The following RIMKLB variants were observed in gnomAD, a reference collection of about 807,000 sequenced individuals.
RIMKLB encodes ribosomal modification protein rimK like family member B.
RIMKLB carries 7 observed loss-of-function variants against 32.0 expected under a neutral mutation model. The ratio of observed to expected loss-of-function variants is 0.22; its 90% CI spans 0.12 to 0.41. RIMKLB has a LOEUF of 0.41. Ranked by LOEUF, RIMKLB falls within the 10% of genes least tolerant of loss-of-function variation. The pLI is 1.00. For missense variants in RIMKLB, 289 were observed against 498.7 expected (o/e 0.58, Z 4.00); for synonymous variants, 172 against 185.1 (o/e 0.93, Z 0.57).
intron 5 of RIMKLB, among the ~76,000 whole-genome samples, chr12:8,762,960 G>A (rs752886172): frequency 6.6e-6 from 1 of 152,298 alleles, no homozygotes; most frequent in African/African-American, 2.4e-5. Context: ...GAAGAAATGT[G>A]GCTGGATTAA....
At chr12:8,679,095 C>T (rs182700440), upstream of RIMKLB, 586 of 153,884 alleles carry the variant, frequency 3.8e-3, 4 homozygotes, top group African/African-American at 6.9e-3. Context: ...CCTCACCATC[C>T]GGTGAATTGA....
At chr12:8,693,123 A>G (rs1942780214), upstream of RIMKLB, among the ~76,000 whole-genome samples, 1 of 152,202 alleles carries the variant, frequency 6.6e-6, no homozygotes, top group African/African-American at 2.4e-5. Flanking sequence ...GATGATGTGT[A>G]TAGGGCACTT....
intron 1 of RIMKLB, among the ~76,000 whole-genome samples, chr12:8,685,675 G>A (rs1481852105): frequency 1.3e-5 from 2 of 151,768 alleles, no homozygotes; most frequent in African/African-American, 4.8e-5. Flanking sequence ...TTTTGAGATG[G>A]AATCTGGAGC....
chr12:8,705,216 C>T (rs1051089239), intron 1 of RIMKLB, among the ~76,000 whole-genome samples: 3 of 152,164 alleles, frequency 2.0e-5, no homozygotes, highest in Admixed American at 2.0e-4. Context: ...GTGGCTCATA[C>T]CTGTAATCCT....
chr12:8,730,233 G>A (rs1404043600), intron 2 of RIMKLB, among the ~76,000 whole-genome samples: 1 of 152,164 alleles, frequency 6.6e-6, no homozygotes, highest in Non-Finnish European at 1.5e-5. Flanking sequence ...CTGCAGGCAT[G>A]CATCACCACA....
intron 2 of RIMKLB, among the ~76,000 whole-genome samples, chr12:8,719,449 A>G (rs764988301): frequency 6.6e-6 from 1 of 151,608 alleles, no homozygotes; most frequent in East Asian, 1.9e-4. Context: ...GCTCACTGCA[A>G]CCTCCACCTC....
intron 1 of RIMKLB, among the ~76,000 whole-genome samples, chr12:8,702,830 AAGTAATATCTG>A (rs1943521361): frequency 6.6e-6 from 1 of 152,238 alleles, no homozygotes; most frequent in African/African-American, 2.4e-5. Context: ...TCCTTTTTCA[AAGTAATATCTG>A]GGAAGAAAAT....
intron 1 of RIMKLB, among the ~76,000 whole-genome samples, chr12:8,713,515 A>G (rs1224164533): frequency 1.3e-5 from 2 of 152,216 alleles, no homozygotes; most frequent in Non-Finnish European, 2.9e-5. Flanking sequence ...CCTAGACAAT[A>G]TATAATATTG....
rs947664027 is a variant in RIMKLB at position 8,775,841 on chromosome 12, T to C, written c.*2057T>C. ...TGTAATTTATCTTAGGATATTCTAA[T>C]TGCATTTAAAAGAACTTATCTTGCG... is the stretch of plus-strand genomic sequence containing the variant. On this transcript the variant is annotated 3_prime_UTR_variant, in exon 6 of 6. Coordinates refer to ENST00000535829, the MANE Select transcript of RIMKLB (RefSeq NM_001297776.2). The C allele has an allele frequency of 5.1e-6, 5 of 984,892 alleles. No homozygotes were observed. The African/African-American group carries it at 5.2e-5, about 10-fold the overall frequency. 61.0% of individuals were successfully genotyped at this position (984,892 alleles called of 1,614,324 possible).
intron 2 of RIMKLB, among the ~76,000 whole-genome samples, chr12:8,715,397 TG>T (rs1384148941): frequency 6.6e-6 from 1 of 152,158 alleles, no homozygotes; most frequent in Middle Eastern, 3.4e-3. Context: ...GACTAATTTT[TG>T]TATTTTTAGT....
At chr12:8,742,392 G>A (rs1277550213) in intron 2 of RIMKLB, 1 of 255,382 alleles carries the variant, frequency 3.9e-6, no homozygotes, top group Non-Finnish European at 7.5e-6. Context: ...GGGTCCATGT[G>A]GCCTTCTCAT....
At chr12:8,745,065 A>G (rs575893862) in intron 2 of RIMKLB, among the ~76,000 whole-genome samples, 3 of 151,134 alleles carry the variant, frequency 2.0e-5, no homozygotes, top group South Asian at 2.1e-4. Context: ...TCATTGTTCA[A>G]CTCCCACCTG....
chr12:8,707,444 C>T (rs1445342622), intron 1 of RIMKLB, among the ~76,000 whole-genome samples: 1 of 152,208 alleles, frequency 6.6e-6, no homozygotes. Context: ...AGCTTCTTTG[C>T]CCTTCCTGGG....
chr12:8,769,069 TCA>T (rs1381327778), intron 5 of RIMKLB, among the ~76,000 whole-genome samples: 4 of 151,882 alleles, frequency 2.6e-5, no homozygotes, highest in South Asian at 2.1e-4. Context: ...TGGAGAATTT[TCA>T]CAGTGTTGGA....
chr12:8,719,663 C>T (rs1251397028), intron 2 of RIMKLB, among the ~76,000 whole-genome samples: 1 of 152,044 alleles, frequency 6.6e-6, no homozygotes, highest in African/African-American at 2.4e-5. Context: ...GTCACAGTGC[C>T]CAGCCTAAGC....
chr12:8,698,760 G>A (rs1943106922), intron 1 of RIMKLB, among the ~76,000 whole-genome samples: 1 of 152,006 alleles, frequency 6.6e-6, no homozygotes, highest in Non-Finnish European at 1.5e-5. Flanking sequence ...GGATCACGTG[G>A]TGCGGTCCCG....
intron 2 of RIMKLB, among the ~76,000 whole-genome samples, chr12:8,737,502 A>G (rs764615873): frequency 1.8e-4 from 27 of 152,092 alleles, no homozygotes; most frequent in Admixed American, 2.6e-4. Flanking sequence ...TACTATATAG[A>G]TATAGTGTTT....
chr12:8,773,553 C>G lies in RIMKLB; in HGVS notation c.930C>G (p.Gly310=). 6.2e-7 allele frequency: 1 copy of G among 1,614,264 alleles called. No homozygotes were observed. Among genetic ancestry groups the G allele is most frequent in the Non-Finnish European group, 8.5e-7 (1 of 1,180,046 alleles). ...ADYAASLLPS[G]RLTRRMSLLS... ...ATGCCGCCTCCCTTCTACCCTCTGG[C>G]CGGCTCACCCGGCGTATGTCCCTGC... is the stretch of plus-strand genomic sequence containing the variant. The change falls in exon 6 of 6, where the codon GGC becomes GGG. Residue 310 remains glycine, a synonymous_variant. Coordinates refer to ENST00000535829, the MANE Select transcript of RIMKLB (RefSeq NM_001297776.2).
chr12:8,759,975 TAGG>T (rs1369297559), intron 5 of RIMKLB, among the ~76,000 whole-genome samples: 2 of 152,370 alleles, frequency 1.3e-5, no homozygotes, highest in East Asian at 3.9e-4. Context: ...CTTTAAGTTC[TAGG>T]GTACATGTGC....
Sources: gnomAD v4.1 joint callset for allele counts (sites outside exome capture counted in the v4.1 genomes callset) on GRCh38, gnomAD v4.1.1 for gene constraint, MANE v1.5 for transcripts, NCBI Gene and HGNC (gene_info 2026-07-23, HGNC 2026-07-21) for gene names.